The following TMTC2 variants were observed in gnomAD, a reference collection of about 807,000 sequenced individuals.
TMTC2 encodes protein O-mannosyl-transferase TMTC2.
In TMTC2, 43 loss-of-function variants were observed where a neutral mutation model predicts 82.4. The observed-to-expected ratio is 0.52, with a 90% CI of 0.41 to 0.67. The LOEUF (loss-of-function observed/expected upper bound fraction) is 0.67, where lower values mean the gene tolerates loss of function less well. Ranked by LOEUF, TMTC2 falls within the 30% of genes least tolerant of loss-of-function variation. The pLI is 0.00. For synonymous variants in TMTC2, 408 were observed against 381.9 expected, an observed-to-expected ratio of 1.07 and a Z score of -0.80; for missense variants, 919 against 1,012.4, an observed-to-expected ratio of 0.91 and a Z score of 1.25.
intron 2 of TMTC2, among the ~76,000 whole-genome samples, chr12:82,893,905 T>C (rs1873526466): frequency 6.6e-6 from 1 of 152,128 alleles, no homozygotes; most frequent in Non-Finnish European, 1.5e-5. Flanking sequence ...GAGATTATTG[T>C]AGGAATCCCA....
intron 1 of TMTC2, among the ~76,000 whole-genome samples, chr12:82,836,475 T>C (rs1006843944): frequency 6.6e-6 from 1 of 152,118 alleles, no homozygotes; most frequent in African/African-American, 2.4e-5. Context: ...ATGTAATCAA[T>C]TTCTGGCTTT....
In TMTC2 at chr12:82,965,761, T is replaced by G; in HGVS notation, c.1869+17T>G. On this transcript the variant is annotated intron_variant, in intron 6 of 11. Transcript: ENST00000321196. ...CACTATGAGGTCTGGCCAATGCCTCTCTGTCCTTTTCCCTCCCCCTTGTTC... is the reference window on the plus strand; with the variant it reads ...CACTATGAGGTCTGGCCAATGCCTCGCTGTCCTTTTCCCTCCCCCTTGTTC... 6.2e-7 allele frequency: 1 copy of G among 1,613,090 alleles called. No individual in the cohort carries two copies. Among genetic ancestry groups the G allele is most frequent in the Non-Finnish European group, 8.5e-7 (1 of 1,179,730 alleles).
At chr12:82,799,485 G>A (rs186607564) in intron 1 of TMTC2, among the ~76,000 whole-genome samples, 88 of 152,234 alleles carry the variant, frequency 5.8e-4, no homozygotes, top group Admixed American at 8.5e-4. Flanking sequence ...CAGGACTACT[G>A]TAGCAAAGTA....
intron 1 of TMTC2, among the ~76,000 whole-genome samples, chr12:82,819,642 C>T (rs985794157): frequency 2.0e-5 from 3 of 151,778 alleles, no homozygotes; most frequent in African/African-American, 7.3e-5. Context: ...GCTGGGATTA[C>T]AGGTGCCTGC....
chr12:82,695,846 G>C (rs1204480573), intron 1 of TMTC2, among the ~76,000 whole-genome samples: 1 of 152,180 alleles, frequency 6.6e-6, no homozygotes, highest in Admixed American at 6.5e-5. Flanking sequence ...TCAAAGTGGG[G>C]CTGGCAGCTG....
At chr12:83,107,137 G>A (rs2137540688) in intron 11 of TMTC2, among the ~76,000 whole-genome samples, 1 of 152,262 alleles carries the variant, frequency 6.6e-6, no homozygotes, top group South Asian at 2.1e-4. Flanking sequence ...CTGAGCATGT[G>A]GGACTTTGGA....
At chr12:82,916,132 C>T (rs903602884) in intron 3 of TMTC2, among the ~76,000 whole-genome samples, 1 of 152,122 alleles carries the variant, frequency 6.6e-6, no homozygotes, top group East Asian at 1.9e-4. Flanking sequence ...TTCTAAAAAG[C>T]CTTTACTGAA....
At chr12:82,812,334 G>C (rs1181599693) in intron 1 of TMTC2, among the ~76,000 whole-genome samples, 4 of 151,968 alleles carry the variant, frequency 2.6e-5, no homozygotes, top group Non-Finnish European at 5.9e-5. Flanking sequence ...GAAACCTTAA[G>C]TTCCTTGGGA....
intron 1 of TMTC2, among the ~76,000 whole-genome samples, chr12:82,843,900 A>G (rs1188930475): frequency 1.3e-5 from 2 of 152,188 alleles, no homozygotes; most frequent in Admixed American, 1.3e-4. Context: ...GTGAGCCATG[A>G]TCACACCACT....
intron 2 of TMTC2, among the ~76,000 whole-genome samples, chr12:82,882,991 G>T (rs1012596838): frequency 1.3e-5 from 2 of 148,584 alleles, no homozygotes. Flanking sequence ...GGGAGGCGGA[G>T]GTTGCAATGA....
At chr12:82,877,139 GAT>G (rs1872621629) in intron 2 of TMTC2, among the ~76,000 whole-genome samples, 1 of 152,004 alleles carries the variant, frequency 6.6e-6, no homozygotes, top group Non-Finnish European at 1.5e-5. Context: ...ACATTGCAAA[GAT>G]ATATTAGTCC....
chr12:82,864,183 G>C (rs2137125137), intron 2 of TMTC2, among the ~76,000 whole-genome samples: 1 of 152,292 alleles, frequency 6.6e-6, no homozygotes. Context: ...AATGAGTCAG[G>C]TAGGGTAGAT....
intron 9 of TMTC2, among the ~76,000 whole-genome samples, chr12:83,031,363 G>T (rs1419370595): frequency 3.3e-5 from 5 of 152,200 alleles, no homozygotes; most frequent in Non-Finnish European, 5.9e-5. Context: ...AGGATAAGCT[G>T]TAAAGGGTGC....
intron 1 of TMTC2, among the ~76,000 whole-genome samples, chr12:82,731,114 C>G (rs1874786650): frequency 7.2e-5 from 11 of 152,084 alleles, no homozygotes; most frequent in Admixed American, 7.2e-4. Flanking sequence ...TTTATACATT[C>G]AACAAATGAA....
At chr12:82,722,153 TAAAAA>T (rs1380115604) in intron 1 of TMTC2, among the ~76,000 whole-genome samples, 2 of 152,216 alleles carry the variant, frequency 1.3e-5, no homozygotes, top group African/African-American at 2.4e-5. Flanking sequence ...GCTTTTGACT[TAAAAA>T]AGAAAAATCA....
chr12:82,688,840 A>C (rs1270232290), intron 1 of TMTC2, among the ~76,000 whole-genome samples: 1 of 152,206 alleles, frequency 6.6e-6, no homozygotes, highest in Non-Finnish European at 1.5e-5. Context: ...AGGTGAAGGC[A>C]GAATCTTCTT....
At chr12:82,884,648 A>G (rs1044646167) in intron 2 of TMTC2, among the ~76,000 whole-genome samples, 2 of 152,210 alleles carry the variant, frequency 1.3e-5, no homozygotes, top group Admixed American at 6.5e-5. Flanking sequence ...TTAGGTTTAT[A>G]TAAAAATTAA....
At chr12:83,017,150 A>T (rs1880714053) in intron 8 of TMTC2, among the ~76,000 whole-genome samples, 1 of 152,180 alleles carries the variant, frequency 6.6e-6, no homozygotes. Flanking sequence ...AGAGTGTCTT[A>T]GGGAATGGAC....
chr12:82,784,955 G>C (rs925261403), intron 1 of TMTC2, among the ~76,000 whole-genome samples: 1 of 151,980 alleles, frequency 6.6e-6, no homozygotes, highest in African/African-American at 2.4e-5. Flanking sequence ...AAATAGCTTA[G>C]TTTACAATTT....
Sources: gnomAD v4.1 joint callset for allele counts (sites outside exome capture counted in the v4.1 genomes callset) on GRCh38, gnomAD v4.1.1 for gene constraint, MANE v1.5 for transcripts, NCBI Gene and HGNC (gene_info 2026-07-23, HGNC 2026-07-21) for gene names.